The following DNAI2 variants were observed in gnomAD, a reference collection of about 807,000 sequenced individuals.
DNAI2 encodes the protein dynein, axonemal, intermediate polypeptide 2.
A neutral mutation model predicts 74.7 loss-of-function variants in DNAI2; 63 were observed. That is an observed-to-expected ratio of 0.84 (90% CI 0.69 to 1.04). The LOEUF (loss-of-function observed/expected upper bound fraction) is 1.04. DNAI2 is among the 50% of genes least tolerant of loss of function. The probability of loss-of-function intolerance (pLI) is 0.00; values close to 1 mark genes in which losing one functional copy is unlikely to be tolerated. For synonymous variants in DNAI2, 289 were observed against 314.9 expected, an observed-to-expected ratio of 0.92 and a Z score of 0.87; for missense variants, 688 against 803.2, an observed-to-expected ratio of 0.86 and a Z score of 1.73.
rs140295057 is a variant in DNAI2, at chr17:74,299,815, G to A, written c.822G>A (p.Ser274=). 3.6e-5 allele frequency: 58 copies of A among 1,613,428 alleles called. No homozygotes were observed. The highest frequency in any genetic ancestry group is 3.2e-4 in the Admixed American group (19 of 59,980). The change falls in exon 7 of 14, where the codon TCG becomes TCA. Residue 274 remains serine, a synonymous_variant. Transcript: ENST00000311014. ...TGTATGGCACCATCTGGCTGCAGTC[G>A]AAGACGGGCACCGAGTGCTTCTCAG... ...DPVYGTIWLQ[S]KTGTECFSAS...
intron 9 of DNAI2, among the ~76,000 whole-genome samples, chr17:74,309,018 G>A (rs1299560204): frequency 9.0e-5 from 13 of 145,086 alleles, no homozygotes; most frequent in Non-Finnish European, 8.9e-5. Flanking sequence ...AGCCGACATC[G>A]TACCACTGCA....
intron 8 of DNAI2, among the ~76,000 whole-genome samples, chr17:74,304,902 C>G (rs2053090783): frequency 6.6e-6 from 1 of 152,206 alleles, no homozygotes; most frequent in Non-Finnish European, 1.5e-5. Flanking sequence ...CATTCAGGAT[C>G]TTTATGGCCA....
intron 8 of DNAI2, among the ~76,000 whole-genome samples, chr17:74,304,179 C>CTT (rs1274454696): frequency 2.0e-5 from 2 of 101,940 alleles, no homozygotes; most frequent in Non-Finnish European, 4.2e-5. Context: ...TTTTCTTTTT[C>CTT]TTTTTTCTTT....
chr17:74,281,383 C>G (rs909853497), intron 1 of DNAI2: 2 of 296,480 alleles, frequency 6.7e-6, no homozygotes, highest in Admixed American at 4.6e-5. Context: ...CTCAGCCTCC[C>G]GAGTAGCTGG....
At chr17:74,305,008 G>A (rs2053095820) in intron 8 of DNAI2, among the ~76,000 whole-genome samples, 1 of 152,192 alleles carries the variant, frequency 6.6e-6, no homozygotes, top group East Asian at 1.9e-4. Context: ...ATTCAGCACA[G>A]GCTCCTTGAG....
At position 74,314,128 on chromosome 17, in the gene DNAI2, C is replaced by A. The variant is rs754642773; in HGVS notation, c.1730C>A (p.Pro577Gln). 1.2e-6 allele frequency: 2 copies of A among 1,613,928 alleles called. No individual in the cohort carries two copies. Among genetic ancestry groups the A allele is most frequent in the African/African-American group, 2.7e-5 (2 of 74,928 alleles). The change falls in exon 13 of 14, where the codon CCA becomes CAA. Residue 577 changes from proline to glutamine, a missense_variant. By Grantham distance (76) the Pro-to-Gln change is moderately conservative. Transcript: ENST00000311014. The stretch of plus-strand genomic sequence containing the variant: ...TGCTGTCTTCCCCTGCAGCAGCAAC[C>A]AAGTCCAGAAGAAGACCAGGTGGTG... Reference protein sequence around the residue: ...AIKLTPVPQQPSPEEDQVVEE... With the variant: ...AIKLTPVPQQQSPEEDQVVEE...
In DNAI2 at chr17:74,312,131, G is replaced by C; in HGVS notation, c.1623G>C (p.Leu541=). 6.2e-7 allele frequency: 1 copy of C among 1,613,894 alleles called. No individual in the cohort carries two copies. Among genetic ancestry groups the C allele is most frequent in the South Asian group, 1.1e-5 (1 of 91,066 alleles). Residue 541 remains leucine (L), a synonymous_variant, in exon 12 of 14, where the codon CTG becomes CTC. Coordinates refer to ENST00000311014, the MANE Select transcript of DNAI2 (RefSeq NM_023036.6). ...EQTDEELAVD[L]EALVSKAEEE... Reference sequence around the variant, plus strand: ...CCGATGAGGAGCTGGCCGTAGACCTGGAGGCGCTGGTCAGCAAGGCCGAGG... The same window carrying C: ...CCGATGAGGAGCTGGCCGTAGACCTCGAGGCGCTGGTCAGCAAGGCCGAGG...
chr17:74,299,085 C>T (rs1024976255), intron 6 of DNAI2, among the ~76,000 whole-genome samples: 2 of 152,310 alleles, frequency 1.3e-5, no homozygotes, highest in Admixed American at 1.3e-4. Context: ...GGTGAGCCCT[C>T]ATTGTGCATT....
At chr17:74,292,393 C>T (rs1395000193) in intron 6 of DNAI2, among the ~76,000 whole-genome samples, 3 of 148,252 alleles carry the variant, frequency 2.0e-5, no homozygotes, top group Non-Finnish European at 3.0e-5. Context: ...TCACAGTATT[C>T]CCTTATAATC....
At chr17:74,291,194 CTT>C in intron 6 of DNAI2, 61 bp downstream of exon 6, 3 of 1,410,480 alleles carry the variant, frequency 2.1e-6, no homozygotes, top group Non-Finnish European at 2.0e-6. Flanking sequence ...GAATTTTGCT[CTT>C]GTTTCCCAGG....
chr17:74,293,607 G>C (rs1023878488), intron 6 of DNAI2, among the ~76,000 whole-genome samples: 5 of 151,818 alleles, frequency 3.3e-5, no homozygotes. Flanking sequence ...GGGAGGCTAA[G>C]GCACGAGAAT....
Position 74,299,737 on chromosome 17 carries a change from G to T in DNAI2, c.744G>T (p.Lys248Asn). 1 of 1,613,470 alleles carries T rather than the reference G, an allele frequency of 6.2e-7. No homozygotes were observed. Among genetic ancestry groups the T allele is most frequent in the Non-Finnish European group, 8.5e-7 (1 of 1,180,016 alleles). Reference protein sequence around the residue: ...NGQIACWDTRKGSLVAELSTI... With the variant: ...NGQIACWDTRNGSLVAELSTI... ...CACCAGCCTGCTGGGACACCCGAAA[G>T]GGCAGCCTGGTGGCGGAGCTATCCA... The change falls in exon 7 of 14, where the codon AAG (lysine) becomes AAT (asparagine). Residue 248 changes from lysine to asparagine, a missense_variant. Transcript: ENST00000311014.
rs780216155 is a variant in DNAI2 at position 74,286,968 on chromosome 17, C to G, written c.346-9C>G. The G allele has an allele frequency of 4.3e-6, 7 of 1,613,458 alleles. No individual in the cohort carries two copies. The highest frequency in any genetic ancestry group is 2.2e-5 in the East Asian group (1 of 44,850). ...TTACTGCGGAGAACTTCCAATGTGT[C>G]CCCCCTAGATCATGGAGCACTGCAT... is the stretch of plus-strand genomic sequence containing the variant. On this transcript the variant is annotated splice_polypyrimidine_tract_variant and intron_variant, in intron 3 of 13. Coordinates refer to ENST00000311014, the MANE Select transcript of DNAI2 (RefSeq NM_023036.6).
intron 9 of DNAI2, 142 bp from the exon 10 acceptor site, chr17:74,309,111 G>A: frequency 1.2e-6 from 1 of 831,672 alleles, no homozygotes; most frequent in Non-Finnish European, 1.9e-6. Context: ...AGTGAGGTCA[G>A]CACAGCTAGA....
At chr17:74,301,802 CAAGA>C (rs768061384) in intron 8 of DNAI2, among the ~76,000 whole-genome samples, 5 of 137,102 alleles carry the variant, frequency 3.6e-5, no homozygotes, top group Non-Finnish European at 7.7e-5. Context: ...CAGTCTTTAC[CAAGA>C]AAGAAAGAAA....
intron 3 of DNAI2, among the ~76,000 whole-genome samples, chr17:74,286,747 C>A (rs922591785): frequency 7.9e-5 from 12 of 152,144 alleles, no homozygotes; most frequent in African/African-American, 2.9e-4. Context: ...ATGCTATAGA[C>A]ATACTGTATA....
chr17:74,301,344 G>A (rs537684103), intron 8 of DNAI2, among the ~76,000 whole-genome samples, 176 bp downstream of exon 8: 4 of 152,316 alleles, frequency 2.6e-5, no homozygotes, highest in Admixed American at 2.6e-4. Flanking sequence ...CCAGCAGGGG[G>A]CAGCAGAGCT....
rs760797251 is a variant in DNAI2 at position 74,309,407 on chromosome 17, C to T, written c.1347+19C>T. On this transcript the variant is annotated intron_variant, in intron 10 of 13. Coordinates refer to ENST00000311014, the MANE Select transcript of DNAI2 (RefSeq NM_023036.6). Reference sequence around the variant, plus strand: ...CTTGAAGGTCACGCGCATGTCCCTCCTTGTGCATCCAGGTCCTCAGGGAGC... The same window carrying T: ...CTTGAAGGTCACGCGCATGTCCCTCTTTGTGCATCCAGGTCCTCAGGGAGC... 3 of 1,614,008 alleles carry T rather than the reference C, an allele frequency of 1.9e-6. No individual in the cohort carries two copies. The highest frequency in any genetic ancestry group is 2.7e-5 in the African/African-American group (2 of 74,918).
chr17:74,303,525 C>T (rs2052984796), intron 8 of DNAI2, among the ~76,000 whole-genome samples: 1 of 152,076 alleles, frequency 6.6e-6, no homozygotes, highest in Non-Finnish European at 1.5e-5. Context: ...ACTGCAACAT[C>T]CACCTCCTGG....
Sources: gnomAD v4.1 joint callset for allele counts (sites outside exome capture counted in the v4.1 genomes callset) on GRCh38, gnomAD v4.1.1 for gene constraint, MANE v1.5 for transcripts, NCBI Gene and HGNC (gene_info 2026-07-23, HGNC 2026-07-21) for gene names.